Variants in LIPI observed in about 807,000 individuals in gnomAD.
LIPI encodes the protein lipase member I.
LIPI carries 59 observed loss-of-function variants against 50.6 expected under a neutral mutation model. The observed-to-expected ratio is 1.16, with a 90% CI of 0.94 to 1.45. The LOEUF (loss-of-function observed/expected upper bound fraction) is 1.45, where lower values mean the gene tolerates loss of function less well. Ranked by LOEUF, LIPI falls within the 40% of genes most tolerant of loss-of-function variation. LIPI has a pLI of 0.00. For synonymous variants in LIPI, 203 were observed against 178.2 expected (o/e 1.14, Z -1.11); for missense variants, 586 against 536.3 (o/e 1.09, Z -0.92).
chr21:14,169,079 T>C (rs1305365758), intron 4 of LIPI, among the ~76,000 whole-genome samples: 1 of 152,024 alleles, frequency 6.6e-6, no homozygotes, highest in Non-Finnish European at 1.5e-5. Flanking sequence ...TGTGATGAAA[T>C]AGACTTTAAA....
chr21:14,148,297 T>A (rs995364990), intron 8 of LIPI, among the ~76,000 whole-genome samples: 2 of 152,150 alleles, frequency 1.3e-5, no homozygotes, highest in Non-Finnish European at 2.9e-5. Context: ...ATATTATACA[T>A]TTTCTACAGT....
At chr21:14,199,552 C>T (rs933257429) in intron 1 of LIPI, among the ~76,000 whole-genome samples, 1 of 151,628 alleles carries the variant, frequency 6.6e-6, no homozygotes, top group Non-Finnish European at 1.5e-5. Context: ...GAATTGGAAT[C>T]CCTGAACATA....
chr21:14,175,210 G>T (rs1263922071), intron 4 of LIPI, among the ~76,000 whole-genome samples: 3 of 152,168 alleles, frequency 2.0e-5, no homozygotes, highest in African/African-American at 7.2e-5. Flanking sequence ...GAGTGGAATT[G>T]TTATAGATTA....
chr21:14,166,388 G>C lies in LIPI; in HGVS notation c.707C>G (p.Pro236Arg), dbSNP rs1394236635. The part of the protein sequence containing the change: ...DFYPNGGNKQ[P>R]GCPKSIFSGI... ...TGAGAAAATTGATTTAGGACAGCCA[G>C]GTTGTTTATTTCCTCCATTTGGATA... Residue 236 changes from proline (P) to arginine (R), a missense_variant, in exon 5 of 10, where the codon CCT (proline) becomes CGT (arginine). Coordinates refer to ENST00000681601, the MANE Select transcript of LIPI (RefSeq NM_001302998.2). 2 of 1,605,244 alleles carry C rather than the reference G, an allele frequency of 1.2e-6. No homozygotes were observed. The highest frequency in any genetic ancestry group is 3.3e-5 in the Admixed American group (2 of 60,004).
intron 1 of LIPI, among the ~76,000 whole-genome samples, chr21:14,204,936 A>G (rs1425021828): frequency 6.6e-6 from 1 of 151,852 alleles, no homozygotes; most frequent in Non-Finnish European, 1.5e-5. Context: ...GTACATAAAG[A>G]AACACTATAA....
chr21:14,170,760 G>A (rs78279926), intron 4 of LIPI, among the ~76,000 whole-genome samples: 82,032 of 147,484 alleles, frequency 0.56, 23,558 homozygotes, highest in African/African-American at 0.64. Flanking sequence ...CCAATATCAT[G>A]CTGAATGGGC....
chr21:14,142,198 G>T (rs1443771103), intron 9 of LIPI, among the ~76,000 whole-genome samples: 1 of 151,964 alleles, frequency 6.6e-6, no homozygotes, highest in East Asian at 1.9e-4. Context: ...AGCATTAGGA[G>T]AAATACCTAA....
At chr21:14,120,277 C>T (rs976752009) in intron 9 of LIPI, among the ~76,000 whole-genome samples, 6 of 152,166 alleles carry the variant, frequency 3.9e-5, no homozygotes, top group Admixed American at 6.5e-5. Context: ...GGCCAAGGCC[C>T]GCCCCCTAGC....
intron 9 of LIPI, among the ~76,000 whole-genome samples, chr21:14,126,479 T>C (rs2017070796): frequency 6.6e-6 from 1 of 152,198 alleles, no homozygotes; most frequent in African/African-American, 2.4e-5. Flanking sequence ...TCTGTATCTA[T>C]GGATTCTACA....
chr21:14,145,158 G>A (rs960098450), intron 8 of LIPI, among the ~76,000 whole-genome samples: 22 of 105,778 alleles, frequency 2.1e-4, no homozygotes, highest in African/African-American at 6.9e-4. Flanking sequence ...GGTGCTTAAC[G>A]GACAACTTAA....
intron 8 of LIPI, among the ~76,000 whole-genome samples, chr21:14,148,377 C>G (rs955791241): frequency 6.6e-6 from 1 of 152,068 alleles, no homozygotes; most frequent in African/African-American, 2.4e-5. Context: ...GACTCCTGTG[C>G]CATCTTAAAG....
At chr21:14,179,360 T>C (rs1448333985) in intron 4 of LIPI, among the ~76,000 whole-genome samples, 1 of 152,078 alleles carries the variant, frequency 6.6e-6, no homozygotes, top group Non-Finnish European at 1.5e-5. Flanking sequence ...CATCAAAAAA[T>C]CTGTGTTTCT....
chr21:14,170,033 T>G (rs2123185316), intron 4 of LIPI, among the ~76,000 whole-genome samples: 1 of 152,028 alleles, frequency 6.6e-6, no homozygotes, highest in African/African-American at 2.4e-5. Flanking sequence ...AAAGGGGATA[T>G]CACCACCCAT....
chr21:14,157,919 G>C (rs558586857), intron 7 of LIPI, among the ~76,000 whole-genome samples: 113 of 151,932 alleles, frequency 7.4e-4, no homozygotes, highest in African/African-American at 2.7e-3. Context: ...ATTTGAGGGG[G>C]AGGTAATTTG....
intron 1 of LIPI, chr21:14,207,033 T>C: frequency 1.3e-6 from 1 of 772,164 alleles, no homozygotes; most frequent in Non-Finnish European, 2.3e-6. Flanking sequence ...TGACCCACTT[T>C]ATGCTACGAA....
chr21:14,118,746 T>C (rs1308435352), intron 9 of LIPI, among the ~76,000 whole-genome samples: 1 of 152,190 alleles, frequency 6.6e-6, no homozygotes, highest in East Asian at 1.9e-4. Context: ...GGGCTGGTAG[T>C]GAATCAAGCA....
chr21:14,119,797 C>G (rs1023477248), intron 9 of LIPI, among the ~76,000 whole-genome samples: 9 of 152,180 alleles, frequency 5.9e-5, no homozygotes, highest in African/African-American at 2.2e-4. Context: ...GTCCAAGCAA[C>G]TAGACTTTGT....
Position 14,144,682 on chromosome 21 carries a change from A to C in LIPI, c.1236T>G (p.Cys412Trp), listed in dbSNP as rs2017837370. Reference protein sequence around the residue: ...LTYFQSSNLQCSTCTYKIQSL... With the variant: ...LTYFQSSNLQWSTCTYKIQSL... ...TCTGGATCTTGTATGTGCATGTGGA[A>C]CACTGCAGATTTGAGCTCTGGAAAT... Residue 412 changes from cysteine (C) to tryptophan (W), a missense_variant, in exon 9 of 10, where the codon TGT (cysteine) becomes TGG (tryptophan). Cys to Trp is a radical substitution (Grantham distance 215). Transcript: ENST00000681601. 1.3e-6 allele frequency: 2 copies of C among 1,579,244 alleles called. No homozygotes were observed. Among genetic ancestry groups the C allele is most frequent in the East Asian group, 4.5e-5 (2 of 44,544 alleles).
At chr21:14,114,135 G>C (rs2016524852) in intron 9 of LIPI, among the ~76,000 whole-genome samples, 1 of 150,678 alleles carries the variant, frequency 6.6e-6, no homozygotes, top group Non-Finnish European at 1.5e-5. Context: ...CCAAGATCAT[G>C]CCACTGCACT....
Sources: allele counts gnomAD v4.1 joint callset (sites outside exome capture counted in the v4.1 genomes callset), GRCh38; gene constraint gnomAD v4.1.1; transcripts MANE v1.5; gene names NCBI Gene and HGNC (gene_info 2026-07-23, HGNC 2026-07-21).